DNER: variants seen among roughly 807,000 people sequenced by gnomAD.
DNER encodes delta and Notch-like epidermal growth factor-related receptor.
In DNER, 33 loss-of-function variants were observed where a neutral mutation model predicts 78.2. The observed-to-expected ratio is 0.42, with a 90% CI of 0.32 to 0.56. DNER has a LOEUF of 0.56. Ranked by LOEUF, DNER falls within the 20% of genes least tolerant of loss-of-function variation. The pLI, the probability that DNER is intolerant of heterozygous loss-of-function variation, is 0.11. For synonymous variants in DNER, 417 were observed against 384.8 expected (o/e 1.08, Z -0.98); for missense variants, 918 against 975.3 (o/e 0.94, Z 0.78).
intron 1 of DNER, among the ~76,000 whole-genome samples, chr2:229,674,040 T>G (rs1355817849): frequency 1.3e-5 from 2 of 152,220 alleles, no homozygotes; most frequent in African/African-American, 2.4e-5. Context: ...TTCTTGTCCT[T>G]GAACACAACC....
At chr2:229,386,134 T>C (rs1284347558) in intron 11 of DNER, among the ~76,000 whole-genome samples, 1 of 152,266 alleles carries the variant, frequency 6.6e-6, no homozygotes, top group Non-Finnish European at 1.5e-5. Flanking sequence ...TACAGAGTAA[T>C]GGAAAAGAAC....
intron 7 of DNER, among the ~76,000 whole-genome samples, chr2:229,469,225 G>A (rs763371537): frequency 4.6e-5 from 7 of 152,164 alleles, no homozygotes; most frequent in Non-Finnish European, 1.0e-4. Context: ...GGGACAGCGG[G>A]TGTACATCCA....
At chr2:229,702,309 A>G (rs1005402340) in intron 1 of DNER, among the ~76,000 whole-genome samples, 1 of 149,354 alleles carries the variant, frequency 6.7e-6, no homozygotes, top group Admixed American at 6.7e-5. Flanking sequence ...TCAAGGCGGG[A>G]GGATCACTTG....
chr2:229,403,439 G>C (rs185426784), intron 10 of DNER, among the ~76,000 whole-genome samples: 19 of 152,258 alleles, frequency 1.2e-4, no homozygotes, highest in Non-Finnish European at 1.9e-4. Flanking sequence ...ATCTGCACGT[G>C]GGATGTATCA....
intron 11 of DNER, among the ~76,000 whole-genome samples, chr2:229,382,158 C>T (rs146895302): frequency 0.029 from 4,465 of 152,250 alleles, 96 homozygotes; most frequent in African/African-American, 0.06. Flanking sequence ...CTCCAGCAGA[C>T]CCACAGCAGA....
intron 5 of DNER, among the ~76,000 whole-genome samples, chr2:229,515,972 A>AT (rs1052068442): frequency 3.2e-4 from 48 of 152,316 alleles, no homozygotes; most frequent in African/African-American, 1.1e-3. Context: ...GAATTTAGAG[A>AT]TAAAACAGAA....
intron 8 of DNER, among the ~76,000 whole-genome samples, chr2:229,437,540 A>C (rs1429876093): frequency 6.6e-6 from 1 of 152,230 alleles, no homozygotes; most frequent in Non-Finnish European, 1.5e-5. Context: ...AAATCTCCTT[A>C]TTGGTGGTCT....
intron 8 of DNER, among the ~76,000 whole-genome samples, chr2:229,435,860 T>C (rs1181630736): frequency 6.6e-6 from 1 of 152,240 alleles, no homozygotes; most frequent in Non-Finnish European, 1.5e-5. Flanking sequence ...GATTGTAATT[T>C]TTTAATGATT....
At chr2:229,601,237 A>G (rs1284875713) in intron 1 of DNER, among the ~76,000 whole-genome samples, 2 of 152,218 alleles carry the variant, frequency 1.3e-5, no homozygotes, top group Non-Finnish European at 2.9e-5. Flanking sequence ...CAACTGTCAC[A>G]GTATTTTTGT....
chr2:229,553,039 G>C (rs1271935127), intron 4 of DNER, among the ~76,000 whole-genome samples: 1 of 152,132 alleles, frequency 6.6e-6, no homozygotes, highest in African/African-American at 2.4e-5. Context: ...GCTCATCCAG[G>C]CCATCGCATC....
At chr2:229,389,366 C>T (rs1157788098) in intron 10 of DNER, among the ~76,000 whole-genome samples, 1 of 143,066 alleles carries the variant, frequency 7.0e-6, no homozygotes, top group Admixed American at 6.7e-5. Flanking sequence ...ACGCATACAC[C>T]TCTTAAATTT....
At chr2:229,392,515 C>T (rs1693037856) in intron 10 of DNER, among the ~76,000 whole-genome samples, 1 of 152,126 alleles carries the variant, frequency 6.6e-6, no homozygotes, top group African/African-American at 2.4e-5. Flanking sequence ...AAATTGAGCA[C>T]CAGAAATCTG....
In DNER at chr2:229,381,002, G is replaced by A. The variant is rs188166282; in HGVS notation, c.1855+7263C>T. Among the ~76,000 whole-genome samples the A allele has an allele frequency of 8.5e-5, 13 of 152,326 alleles. No homozygotes were observed. In the East Asian group the frequency reaches 2.5e-3, roughly 29 times the overall value. On this transcript the variant is annotated intron_variant, in intron 11 of 12. Coordinates refer to ENST00000341772, the MANE Select transcript of DNER (RefSeq NM_139072.4). ...CTGGCAAAATGGCCGAATAGGAACA[G>A]CTCTGGTGTGCAGCTCCCAGCAAGA...
chr2:229,654,567 T>C (rs1698882078), intron 1 of DNER, among the ~76,000 whole-genome samples: 1 of 152,216 alleles, frequency 6.6e-6, no homozygotes, highest in Non-Finnish European at 1.5e-5. Flanking sequence ...TTATGTTTTG[T>C]CTGCCTTGTT....
At chr2:229,381,661 G>C (rs762126175) in intron 11 of DNER, among the ~76,000 whole-genome samples, 9 of 152,180 alleles carry the variant, frequency 5.9e-5, no homozygotes, top group Admixed American at 1.3e-4. Context: ...AAAGCCGCCA[G>C]GAAGTTTGGA....
intron 1 of DNER, among the ~76,000 whole-genome samples, chr2:229,684,165 A>AGTGTGTGTGTGTGT (rs1392061568): frequency 8.5e-6 from 1 of 117,020 alleles, no homozygotes; most frequent in African/African-American, 3.4e-5. Context: ...AGAGAGAGAG[A>AGTGTGTGTGTGTGT]GAGAGTGTGT....
intron 7 of DNER, among the ~76,000 whole-genome samples, chr2:229,470,597 C>T (rs1256630684): frequency 6.6e-6 from 1 of 152,170 alleles, no homozygotes; most frequent in Admixed American, 6.5e-5. Context: ...CGCCTGTAAT[C>T]CCCGTACTTT....
intron 7 of DNER, among the ~76,000 whole-genome samples, chr2:229,459,332 T>A (rs1694642584): frequency 6.6e-6 from 1 of 152,146 alleles, no homozygotes; most frequent in African/African-American, 2.4e-5. Context: ...TTATCTTATT[T>A]GTTAAAAATG....
In DNER at chr2:229,714,432, G is replaced by C; in HGVS notation, c.-9C>G. The C allele has an allele frequency of 7.1e-6, 8 of 1,126,280 alleles. No homozygotes were observed. Among genetic ancestry groups the C allele is most frequent in the Non-Finnish European group, 8.7e-6 (8 of 923,536 alleles). 69.8% of individuals were successfully genotyped at this position (1,126,280 alleles called of 1,614,324 possible). ...GCGCGGCGGGGCTGCATGGCCGGCC[G>C]GGAGGGCGCGGGAGCCGGAGCCAGG... On this transcript the variant is annotated 5_prime_UTR_variant, in exon 1 of 13. Transcript: ENST00000341772.
Sources: gnomAD v4.1 joint callset for allele counts (sites outside exome capture counted in the v4.1 genomes callset) on GRCh38, gnomAD v4.1.1 for gene constraint, MANE v1.5 for transcripts, NCBI Gene and HGNC (gene_info 2026-07-23, HGNC 2026-07-21) for gene names.